PALLD: variants seen among roughly 807,000 people sequenced by gnomAD.
PALLD encodes the protein palladin.
Under a neutral mutation model 123.5 loss-of-function variants are expected in PALLD, and 61 were observed. The observed-to-expected ratio is 0.49, with a 90% CI of 0.40 to 0.61. The LOEUF (loss-of-function observed/expected upper bound fraction) is 0.61. Ranked by LOEUF, PALLD falls within the 20% of genes least tolerant of loss-of-function variation. The probability of loss-of-function intolerance (pLI) is 0.00; values close to 1 mark genes in which losing one functional copy is unlikely to be tolerated. For missense variants in PALLD, 1,273 were observed against 1,377.0 expected (o/e 0.92, Z 1.20); for synonymous variants, 465 against 496.4 (o/e 0.94, Z 0.84).
chr4:168,668,296 A>G lies in PALLD; in HGVS notation c.1015A>G (p.Thr339Ala). ...CATAGCAGAGGCCTTTGAGGACGAC[A>G]CAGGTCGCTACACCTGTTTGGCTAC... ...LIIAEAFEDDTGRYTCLATNP... is the reference protein window; with the variant it reads ...LIIAEAFEDDAGRYTCLATNP... Residue 339 changes from threonine (T) to alanine (A), a missense_variant, in exon 3 of 22, where the codon ACA (threonine) becomes GCA (alanine). Thr to Ala is a moderately conservative substitution (Grantham distance 58). Around this residue, in one of 2 missense-constraint regions of PALLD, gnomAD observed 944 missense variants for 954.5 expected, o/e 0.99. Transcript: ENST00000505667. 1 of 1,614,128 alleles carries G rather than the reference A, an allele frequency of 6.2e-7. No individual in the cohort carries two copies. Among genetic ancestry groups the G allele is most frequent in the Non-Finnish European group, 8.5e-7 (1 of 1,179,990 alleles).
intron 12 of PALLD, among the ~76,000 whole-genome samples, chr4:168,896,232 TA>T (rs1177013324): frequency 6.6e-6 from 1 of 151,774 alleles, no homozygotes; most frequent in East Asian, 1.9e-4. Flanking sequence ...AAAGTGCATT[TA>T]ATACACCTAA....
rs554506988 is a variant in PALLD at position 168,669,332 on chromosome 4, G to T, written c.1087+964G>T. ...TGTAATCCCAGCACTTTGGGAGCCC[G>T]AGGCAGGAGGATCGCTCGAGGCCAG... On this transcript the variant is annotated intron_variant, in intron 3 of 21. Transcript: ENST00000505667. Among the ~76,000 whole-genome samples the T allele has an allele frequency of 8.5e-5, 13 of 152,308 alleles. No individual in the cohort carries two copies. In the South Asian group the frequency reaches 2.5e-3, roughly 29 times the overall value.
intron 4 of PALLD, among the ~76,000 whole-genome samples, chr4:168,682,305 C>G (rs575176502): frequency 6.6e-6 from 1 of 152,232 alleles, no homozygotes; most frequent in East Asian, 1.9e-4. Flanking sequence ...TATATCCATT[C>G]AGCATCAAAT....
intron 10 of PALLD, among the ~76,000 whole-genome samples, chr4:168,752,408 CT>C (rs1364408282): frequency 6.6e-5 from 10 of 152,316 alleles, no homozygotes; most frequent in African/African-American, 2.2e-4. Flanking sequence ...AAATACCATG[CT>C]AGAGTTATGT....
chr4:168,540,769 C>A (rs1486472218), intron 2 of PALLD, among the ~76,000 whole-genome samples: 3 of 151,690 alleles, frequency 2.0e-5, no homozygotes, highest in East Asian at 1.9e-4. Flanking sequence ...CACTCCAAGC[C>A]CCCTTTTTAA....
chr4:168,747,865 T>C (rs1224004848), intron 10 of PALLD, among the ~76,000 whole-genome samples: 2 of 152,230 alleles, frequency 1.3e-5, no homozygotes, highest in Non-Finnish European at 2.9e-5. Context: ...ATAATTATTT[T>C]TGCTATAAAT....
intron 10 of PALLD, chr4:168,878,494 C>G (rs1165082790): frequency 1.2e-6 from 1 of 817,490 alleles, no homozygotes; most frequent in African/African-American, 1.8e-5. Flanking sequence ...GCCTGCAACC[C>G]AGAGCGCCCC....
rs1242506803 is a variant in PALLD at position 168,539,837 on chromosome 4, G to T, written c.908+27425G>T. Among the ~76,000 whole-genome samples, 4 of 151,786 alleles carry T rather than the reference G, an allele frequency of 2.6e-5. No individual in the cohort carries two copies. The East Asian group carries it at 5.8e-4, about 22-fold the overall frequency. On this transcript the variant is annotated intron_variant, in intron 2 of 21. Coordinates refer to ENST00000505667, the MANE Select transcript of PALLD (RefSeq NM_001166108.2). Reference sequence around the variant, plus strand: ...AAATAATTTCAACTTTTAGATTCAGGGGGTACACGTGCAGGTTTGTTACAT... The same window carrying T: ...AAATAATTTCAACTTTTAGATTCAGTGGGTACACGTGCAGGTTTGTTACAT...
chr4:168,651,697 A>G (rs1015830531), intron 2 of PALLD, among the ~76,000 whole-genome samples: 3 of 152,166 alleles, frequency 2.0e-5, no homozygotes, highest in Admixed American at 6.5e-5. Flanking sequence ...TCACAATGAC[A>G]TAATGATGCT....
intron 3 of PALLD, among the ~76,000 whole-genome samples, chr4:168,679,501 GTGTTT>G (rs1781328699): frequency 7.1e-6 from 1 of 140,700 alleles, no homozygotes; most frequent in African/African-American, 2.7e-5. Flanking sequence ...TGGGGTGTGT[GTGTTT>G]GTGTGTGGTG....
intron 1 of PALLD, among the ~76,000 whole-genome samples, chr4:168,504,408 A>G (rs1761773457): frequency 6.6e-6 from 1 of 152,198 alleles, no homozygotes; most frequent in Non-Finnish European, 1.5e-5. Flanking sequence ...AGCCTGGCCA[A>G]TATGGTGAAA....
chr4:168,801,982 GT>G (rs1739409576), intron 10 of PALLD, among the ~76,000 whole-genome samples: 1 of 152,216 alleles, frequency 6.6e-6, no homozygotes, highest in Non-Finnish European at 1.5e-5. Context: ...GAGAAAAGTA[GT>G]CTAGCCATGT....
intron 15 of PALLD, 56 bp downstream of exon 15, chr4:168,903,962 G>T: frequency 6.8e-7 from 1 of 1,474,060 alleles, no homozygotes; most frequent in South Asian, 1.1e-5. Context: ...ACAGGCATTT[G>T]ATTAGACAAA....
chr4:168,922,184 A>G (rs560854822), intron 18 of PALLD, among the ~76,000 whole-genome samples: 2 of 151,478 alleles, frequency 1.3e-5, no homozygotes, highest in African/African-American at 4.8e-5. Flanking sequence ...CCTCATAGTC[A>G]TTGTCAAACT....
intron 2 of PALLD, among the ~76,000 whole-genome samples, chr4:168,578,564 C>A (rs1277961216): frequency 6.6e-6 from 1 of 152,050 alleles, no homozygotes; most frequent in African/African-American, 2.4e-5. Flanking sequence ...GTCAACTAAA[C>A]CTCTTTCCTT....
intron 17 of PALLD, 55 bp from the exon 18 acceptor site, chr4:168,921,479 G>C (rs2126491696): frequency 8.3e-7 from 1 of 1,199,014 alleles, no homozygotes; most frequent in Non-Finnish European, 1.2e-6. Flanking sequence ...TTAGCTACCA[G>C]TGATTTCACT....
intron 10 of PALLD, among the ~76,000 whole-genome samples, chr4:168,823,598 T>C (rs1449626877): frequency 6.6e-6 from 1 of 151,976 alleles, no homozygotes; most frequent in Non-Finnish European, 1.5e-5. Context: ...GAGGATGGCT[T>C]GATCCCAGAA....
At chr4:168,531,740 A>T (rs1019991550) in intron 2 of PALLD, among the ~76,000 whole-genome samples, 2 of 152,184 alleles carry the variant, frequency 1.3e-5, no homozygotes, top group African/African-American at 4.8e-5. Flanking sequence ...CACTGTCTTC[A>T]TAAGGTATTG....
At position 168,896,590 on chromosome 4, in the gene PALLD, T is replaced by A; in HGVS notation, c.2241T>A (p.Asp747Glu). 1 of 1,512,670 alleles carries A rather than the reference T, an allele frequency of 6.6e-7. No homozygotes were observed. Among genetic ancestry groups the A allele is most frequent in the Non-Finnish European group, 8.9e-7 (1 of 1,124,766 alleles). 93.7% of individuals were successfully genotyped at this position (1,512,670 alleles called of 1,614,324 possible). ...ATGCTTCTGTAGGGAGTCCTCTGGA[T>A]GGTCAAAAGGTTAAGCTTTTCACCT... ...SPHASVGSPL[D>E]GQKEYKVSSC... Residue 747 changes from aspartate (D) to glutamate (E), a missense_variant, in exon 13 of 22, where the codon GAT becomes GAA. Asp to Glu is a conservative substitution (Grantham distance 45). Coordinates refer to ENST00000505667, the MANE Select transcript of PALLD (RefSeq NM_001166108.2).
Sources: allele counts gnomAD v4.1 joint callset (sites outside exome capture counted in the v4.1 genomes callset), GRCh38; gene constraint gnomAD v4.1.1; regional missense constraint gnomAD v4.1.1; transcripts MANE v1.5; gene names NCBI Gene and HGNC (gene_info 2026-07-23, HGNC 2026-07-21).